POLN: variants seen among roughly 807,000 people sequenced by gnomAD.
POLN encodes DNA polymerase nu, also known as DNA polymerase N.
In POLN, 108 loss-of-function variants were observed where a neutral mutation model predicts 113.5. That is an observed-to-expected ratio of 0.95 (90% confidence interval 0.81 to 1.12). The LOEUF (loss-of-function observed/expected upper bound fraction) is 1.12, where lower values mean the gene tolerates loss of function less well. Among genes scored for constraint, POLN ranks in the 50% most tolerant of loss-of-function variants. POLN has a pLI of 0.00. For missense variants in POLN, 1,097 were observed against 1,077.1 expected (o/e 1.02, Z -0.26); for synonymous variants, 386 against 391.5 (o/e 0.99, Z 0.17).
intron 3 of POLN, among the ~76,000 whole-genome samples, chr4:2,218,320 C>T (rs933893550): frequency 2.0e-5 from 3 of 151,764 alleles, no homozygotes; most frequent in Non-Finnish European, 4.4e-5. Context: ...TGGCGCATCC[C>T]TGTGATCCCA....
At chr4:2,135,645 G>A (rs965203692) in intron 16 of POLN, among the ~76,000 whole-genome samples, 5 of 152,186 alleles carry the variant, frequency 3.3e-5, no homozygotes, top group African/African-American at 1.2e-4. Context: ...GGTGGGAAGC[G>A]ACAACTAACA....
At position 2,129,672 on chromosome 4, in the gene POLN, G is replaced by A. The variant is rs150920704; in HGVS notation, c.1790-416C>T. Among the ~76,000 whole-genome samples the A allele has an allele frequency of 3.8e-3, 573 of 152,282 alleles. 5 individuals carry two copies. Among genetic ancestry groups the A allele is most frequent in the African/African-American group, 0.013 (538 of 41,544 alleles). On this transcript the variant is annotated intron_variant, in intron 17 of 25. Coordinates refer to ENST00000511885, the MANE Select transcript of POLN (RefSeq NM_181808.4). ...CTCAAAGTGCTAAGATTACAGGTGT[G>A]AGCCATGGCGCCTGGCCTTATTAAT...
At chr4:2,115,671 G>C (rs1014797934) in intron 19 of POLN, among the ~76,000 whole-genome samples, 2 of 152,076 alleles carry the variant, frequency 1.3e-5, no homozygotes, top group African/African-American at 4.8e-5. Context: ...TAAAAGAATG[G>C]TAGAGACTGA....
intron 7 of POLN, among the ~76,000 whole-genome samples, chr4:2,189,675 A>G (rs191954362): frequency 8.5e-4 from 129 of 151,828 alleles, no homozygotes; most frequent in Non-Finnish European, 1.5e-3. Context: ...ATGTTACATG[A>G]AGCAATCAAA....
intron 5 of POLN, among the ~76,000 whole-genome samples, chr4:2,206,711 C>G (rs763085503): frequency 9.2e-5 from 14 of 152,174 alleles, no homozygotes; most frequent in Non-Finnish European, 1.5e-4. Context: ...CCATCTTACT[C>G]CTGCAAGAAT....
intron 23 of POLN, among the ~76,000 whole-genome samples, chr4:2,078,267 C>A (rs901719634): frequency 1.3e-5 from 2 of 152,184 alleles, no homozygotes; most frequent in Non-Finnish European, 2.9e-5. Flanking sequence ...ACAGGACAGC[C>A]GAGCCATGGC....
chr4:2,241,792 T>C lies in POLN; in HGVS notation c.-283-2A>G. ...ACCCAGCTGTGACACCTAAGCACGC[T>C]GACAAAACAAACGCACAAGCCCACC... On this transcript the variant is annotated splice_acceptor_variant, in intron 1 of 25. Transcript: ENST00000511885. LOFTEE classifies it low-confidence loss of function (5UTR_SPLICE). 2 of 985,350 alleles carry C rather than the reference T, an allele frequency of 2.0e-6. No individual in the cohort carries two copies. The highest frequency in any genetic ancestry group is 2.4e-6 in the Non-Finnish European group (2 of 829,930). The allele number at this position is 985,350 out of a possible 1,614,324, so 61.0% of individuals were successfully genotyped here.
chr4:2,202,403 A>G (rs1253190337), intron 5 of POLN, among the ~76,000 whole-genome samples: 2 of 152,214 alleles, frequency 1.3e-5, no homozygotes, highest in African/African-American at 4.8e-5. Context: ...TTCTGATATC[A>G]GACAAACAAA....
In POLN at chr4:2,128,143, T is replaced by C. The variant is rs1216684537; in HGVS notation, c.1952A>G (p.Asp651Gly). Residue 651 changes from aspartate (D) to glycine (G), a missense_variant, in exon 19 of 26, where the codon GAT becomes GGT. By Grantham distance (94) the Asp-to-Gly change is moderately conservative (BLOSUM62 -1). Coordinates refer to ENST00000511885, the MANE Select transcript of POLN (RefSeq NM_181808.4). ...LLKLFQESER[D>G]DVFSTLTSQW... ...TGAAGTCAGAGTAGAAAATACATCA[T>C]CTCTTTCAGATTCCTGGAATAACTT... The C allele has an allele frequency of 1.2e-6, 2 of 1,608,210 alleles. No individual in the cohort carries two copies. Among genetic ancestry groups the C allele is most frequent in the Non-Finnish European group, 1.7e-6 (2 of 1,174,714 alleles).
chr4:2,113,100 G>A (rs1731236605), intron 19 of POLN, among the ~76,000 whole-genome samples: 1 of 151,686 alleles, frequency 6.6e-6, no homozygotes, highest in Admixed American at 6.6e-5. Context: ...CATGGATGAA[G>A]CTGGAAACCA....
At chr4:2,240,096 G>A (rs756388678) in intron 2 of POLN, 32 of 1,613,824 alleles carry the variant, frequency 2.0e-5, no homozygotes, top group Non-Finnish European at 2.5e-5. Context: ...CTTCATGCTC[G>A]AATTACTTGC....
chr4:2,219,366 A>C (rs1734197797), intron 3 of POLN, among the ~76,000 whole-genome samples: 1 of 152,206 alleles, frequency 6.6e-6, no homozygotes, highest in African/African-American at 2.4e-5. Context: ...CAGGAAAAAT[A>C]ACTGCCATAT....
At position 2,128,093 on chromosome 4, in the gene POLN, T is replaced by C. The variant is rs1331686851; in HGVS notation, c.1982+20A>G. ...GGCCTTCCTGCAGATCTGATAATAT[T>C]GTGAGTTCATATATCTTACCACTGT... On this transcript the variant is annotated intron_variant, in intron 19 of 25. Transcript: ENST00000511885. The C allele has an allele frequency of 6.9e-7, 1 of 1,439,408 alleles. No homozygotes were observed. Among genetic ancestry groups the C allele is most frequent in the Non-Finnish European group, 9.8e-7 (1 of 1,022,490 alleles). The allele number at this position is 1,439,408 out of a possible 1,614,324, so 89.2% of individuals were successfully genotyped here. A position where few individuals can be genotyped will look rare whatever the true frequency, so the allele number is the denominator to read the frequency against.
chr4:2,172,184 G>A (rs113870297), intron 11 of POLN, among the ~76,000 whole-genome samples: 1 of 152,134 alleles, frequency 6.6e-6, no homozygotes, highest in Non-Finnish European at 1.5e-5. Context: ...GTAGAGTCAG[G>A]GAGCCATTCT....
chr4:2,195,787 A>G (rs1051550762), intron 6 of POLN, among the ~76,000 whole-genome samples: 1 of 152,234 alleles, frequency 6.6e-6, no homozygotes, highest in African/African-American at 2.4e-5. Flanking sequence ...GACATGAAGG[A>G]TAAGGTAAAC....
At chr4:2,130,427 G>C (rs2108725858) in intron 17 of POLN, among the ~76,000 whole-genome samples, 1 of 152,288 alleles carries the variant, frequency 6.6e-6, no homozygotes, top group Admixed American at 6.5e-5. Context: ...CCAAGGGTAG[G>C]ACGTGTACAG....
At chr4:2,123,203 C>A (rs919565449) in intron 19 of POLN, among the ~76,000 whole-genome samples, 1 of 152,006 alleles carries the variant, frequency 6.6e-6, no homozygotes, top group African/African-American at 2.4e-5. Context: ...CCAAACCAAA[C>A]CTCAGCTGGG....
chr4:2,118,396 C>T (rs1188582638), intron 19 of POLN, among the ~76,000 whole-genome samples: 2 of 152,212 alleles, frequency 1.3e-5, no homozygotes, highest in Non-Finnish European at 2.9e-5. Context: ...TCAGGAATCT[C>T]ATTCTTCACT....
At chr4:2,085,461 C>CATA in intron 21 of POLN, 152 bp downstream of exon 21, 31 of 1,003,214 alleles carry the variant, frequency 3.1e-5, no homozygotes, top group Non-Finnish European at 4.5e-5. Flanking sequence ...AACCTTCAGC[C>CATA]TTATTTGTCC....
Sources: allele counts gnomAD v4.1 joint callset (sites outside exome capture counted in the v4.1 genomes callset), GRCh38; gene constraint gnomAD v4.1.1; transcripts MANE v1.5; gene names NCBI Gene and HGNC (gene_info 2026-07-23, HGNC 2026-07-21).